The following CSMD3 variants were observed in gnomAD, a reference collection of about 807,000 sequenced individuals.
CSMD3 encodes the protein CUB and sushi domain-containing protein 3.
A neutral mutation model predicts 435.2 loss-of-function variants in CSMD3; 177 were observed. The observed-to-expected ratio is 0.41, with a 90% CI of 0.36 to 0.46. The LOEUF is 0.46. Ranked by LOEUF, CSMD3 falls within the 20% of genes least tolerant of loss-of-function variation. CSMD3 has a pLI of 0.34. For synonymous variants in CSMD3, 1,656 were observed against 1,520.5 expected (o/e 1.09, Z -2.07); for missense variants, 4,265 against 4,504.6 (o/e 0.95, Z 1.52).
chr8:113,214,300 T>A (rs987959373), intron 3 of CSMD3, among the ~76,000 whole-genome samples: 5 of 152,042 alleles, frequency 3.3e-5, no homozygotes, highest in African/African-American at 1.2e-4. Context: ...GTCTTCCATG[T>A]GTGTTTAAAG....
rs1159127460 is a variant in CSMD3 at position 112,314,570 on chromosome 8, A to T, written c.7408T>A (p.Leu2470Met). ...TAACTGTCAGGATATCCAGGGCTCA[A>T]TATGACTCCAGTAGAATCTAGCCGT... Reference protein sequence around the residue: ...ELRLDSTGVILSPGYPDSYPN... With the variant: ...ELRLDSTGVIMSPGYPDSYPN... Residue 2470 changes from leucine to methionine, a missense_variant, in exon 48 of 71, where the codon TTG becomes ATG. Leu to Met is a conservative substitution (Grantham distance 15). Transcript: ENST00000297405. 1 of 1,612,942 alleles carries T rather than the reference A, an allele frequency of 6.2e-7. No individual in the cohort carries two copies. The highest frequency in any genetic ancestry group is 1.7e-5 in the Admixed American group (1 of 59,982).
At position 113,393,323 on chromosome 8, in the gene CSMD3, A is replaced by T. The variant is rs149191968; in HGVS notation, c.178+43354T>A. Among the ~76,000 whole-genome samples the T allele has an allele frequency of 1.2e-4, 18 of 152,238 alleles. No individual in the cohort carries two copies. In the East Asian group the frequency reaches 3.5e-3, roughly 29 times the overall value. ...CTGCAAAACACTCAAGAAGCCATTG[A>T]GGCTCAAAAACTGCACAGAAAATGA... On this transcript the variant is annotated intron_variant, in intron 1 of 70. Transcript: ENST00000297405.
intron 1 of CSMD3, among the ~76,000 whole-genome samples, chr8:113,347,655 A>G (rs1392249858): frequency 2.0e-5 from 3 of 152,116 alleles, no homozygotes; most frequent in African/African-American, 7.2e-5. Flanking sequence ...TTGTCACTGA[A>G]TTGGCTTTCA....
intron 17 of CSMD3, among the ~76,000 whole-genome samples, chr8:112,663,924 C>T (rs1467390798): frequency 2.0e-5 from 3 of 152,040 alleles, no homozygotes; most frequent in African/African-American, 7.2e-5. Flanking sequence ...CAGAAGTGAA[C>T]AAAAGCACCC....
intron 10 of CSMD3, among the ~76,000 whole-genome samples, chr8:112,898,475 T>C (rs189560716): frequency 6.6e-6 from 1 of 151,406 alleles, no homozygotes; most frequent in East Asian, 2.0e-4. Flanking sequence ...ATTATTTTGC[T>C]TTTTAGTAAA....
chr8:113,432,434 C>A (rs2094680020), intron 1 of CSMD3, among the ~76,000 whole-genome samples: 1 of 152,224 alleles, frequency 6.6e-6, no homozygotes, highest in Non-Finnish European at 1.5e-5. Flanking sequence ...CCTGTGCGTG[C>A]CCCTGTGTCA....
intron 20 of CSMD3, chr8:112,643,487 G>C (rs1268223020): frequency 5.9e-6 from 1 of 170,184 alleles, no homozygotes; most frequent in African/African-American, 2.4e-5. Flanking sequence ...ATCTACGTCC[G>C]CATCTCTTGC....
At chr8:112,419,543 C>G (rs1812260587) in intron 32 of CSMD3, among the ~76,000 whole-genome samples, 1 of 152,080 alleles carries the variant, frequency 6.6e-6, no homozygotes, top group Non-Finnish European at 1.5e-5. Context: ...CGTAATTTAT[C>G]TTTCTGTTAA....
At chr8:112,875,016 T>C (rs912498189) in intron 10 of CSMD3, among the ~76,000 whole-genome samples, 1 of 152,216 alleles carries the variant, frequency 6.6e-6, no homozygotes, top group Non-Finnish European at 1.5e-5. Context: ...ATAGTGTCGA[T>C]GGACTTCACA....
intron 22 of CSMD3, among the ~76,000 whole-genome samples, chr8:112,611,095 A>G (rs1210398346): frequency 6.6e-6 from 1 of 152,230 alleles, no homozygotes; most frequent in Non-Finnish European, 1.5e-5. Context: ...AAGAGGAAAC[A>G]AAATCAGTAT....
chr8:112,627,015 C>T, intron 22 of CSMD3, among the ~76,000 whole-genome samples: 1 of 152,052 alleles, frequency 6.6e-6, no homozygotes, highest in East Asian at 1.9e-4. Context: ...AGTAAACACA[C>T]AGCAAATATT....
At chr8:113,214,281 C>T (rs1342189474) in intron 3 of CSMD3, among the ~76,000 whole-genome samples, 1 of 151,838 alleles carries the variant, frequency 6.6e-6, no homozygotes, top group Admixed American at 6.6e-5. Context: ...GCATGTGAAG[C>T]TTTTACCTGT....
intron 30 of CSMD3, among the ~76,000 whole-genome samples, chr8:112,497,828 G>A (rs1474524856): frequency 6.6e-6 from 1 of 152,026 alleles, no homozygotes; most frequent in African/African-American, 2.4e-5. Flanking sequence ...TAAGGAAGCT[G>A]ATAAGACAGA....
intron 24 of CSMD3, among the ~76,000 whole-genome samples, chr8:112,559,383 C>A (rs1175252498): frequency 6.6e-6 from 1 of 151,796 alleles, no homozygotes; most frequent in African/African-American, 2.4e-5. Context: ...GTTTTTCTCC[C>A]ACCTTCCAGG....
chr8:112,449,395 G>A (rs1320942684), intron 32 of CSMD3, among the ~76,000 whole-genome samples: 1 of 152,118 alleles, frequency 6.6e-6, no homozygotes, highest in Non-Finnish European at 1.5e-5. Flanking sequence ...AAATAGAAGA[G>A]CGTTGAGTTG....
intron 6 of CSMD3, among the ~76,000 whole-genome samples, chr8:112,987,713 T>C (rs142092514): frequency 7.6e-4 from 116 of 152,222 alleles, no homozygotes; most frequent in Admixed American, 1.8e-3. Flanking sequence ...TGAGTCAATA[T>C]GTTATTTACT....
At chr8:112,902,731 T>A (rs2082140174) in intron 10 of CSMD3, among the ~76,000 whole-genome samples, 1 of 151,344 alleles carries the variant, frequency 6.6e-6, no homozygotes. Context: ...AGCAGTTTAG[T>A]CTGCCACGTG....
intron 2 of CSMD3, among the ~76,000 whole-genome samples, chr8:113,302,097 TA>T (rs980201859): frequency 2.6e-5 from 4 of 150,982 alleles, no homozygotes; most frequent in African/African-American, 9.7e-5. Flanking sequence ...AAAATGCAAA[TA>T]AATACAATTA....
At chr8:112,582,370 A>T (rs533581707) in intron 23 of CSMD3, among the ~76,000 whole-genome samples, 1 of 151,846 alleles carries the variant, frequency 6.6e-6, no homozygotes, top group East Asian at 1.9e-4. Flanking sequence ...TCTTTTCCTT[A>T]TATATTATAC....
Sources: allele counts gnomAD v4.1 joint callset (sites outside exome capture counted in the v4.1 genomes callset), GRCh38; gene constraint gnomAD v4.1.1; transcripts MANE v1.5; gene names NCBI Gene and HGNC (gene_info 2026-07-23, HGNC 2026-07-21).